Variants in RARRES1 observed in about 807,000 individuals in gnomAD.
RARRES1 encodes the protein retinoic acid receptor responder 1.
Under a neutral mutation model 30.6 loss-of-function variants are expected in RARRES1, and 34 were observed. The ratio of observed to expected loss-of-function variants is 1.11; its 90% CI spans 0.84 to 1.48. The LOEUF is 1.48. Ranked by LOEUF, RARRES1 falls within the 40% of genes most tolerant of loss-of-function variation. The pLI is 0.00. For synonymous variants in RARRES1, 153 were observed against 155.5 expected, an observed-to-expected ratio of 0.98 and a Z score of 0.12; for missense variants, 373 against 386.5, an observed-to-expected ratio of 0.97 and a Z score of 0.29.
At chr3:158,725,803 A>G (rs990766399) in intron 1 of RARRES1, among the ~76,000 whole-genome samples, 10 of 152,234 alleles carry the variant, frequency 6.6e-5, no homozygotes, top group African/African-American at 2.4e-4. Flanking sequence ...TGCTAGACCC[A>G]GACTCTGCGA....
At position 158,702,483 on chromosome 3, in the gene RARRES1, A is replaced by T. The variant is rs560278673; in HGVS notation, c.672+2308T>A. 9.8e-5 allele frequency among the ~76,000 whole-genome samples: 15 copies of T among 152,354 alleles called. 1 individual carries two copies. The highest frequency in any genetic ancestry group is 6.8e-3 in the Middle Eastern group (2 of 292). ...AATACACCTGCTATTTTTGTACCCT[A>T]GTATGTCCTAGTGGTAAAAATGTGT... On this transcript the variant is annotated intron_variant, in intron 4 of 5. Coordinates refer to ENST00000237696, the MANE Select transcript of RARRES1 (RefSeq NM_206963.2).
At chr3:158,724,025 C>A (rs1171159257) in intron 1 of RARRES1, among the ~76,000 whole-genome samples, 5 of 152,194 alleles carry the variant, frequency 3.3e-5, no homozygotes, top group African/African-American at 9.7e-5. Flanking sequence ...TAGGCAAGCA[C>A]ATGGGCAGAG....
At chr3:158,709,361 A>C (rs1026548191) in intron 3 of RARRES1, among the ~76,000 whole-genome samples, 1 of 152,226 alleles carries the variant, frequency 6.6e-6, no homozygotes, top group Non-Finnish European at 1.5e-5. Flanking sequence ...CTAAAGGAAA[A>C]CAATTCCTAA....
chr3:158,706,933 C>T (rs1021702784), intron 3 of RARRES1, among the ~76,000 whole-genome samples: 2 of 152,110 alleles, frequency 1.3e-5, no homozygotes, highest in African/African-American at 4.8e-5. Context: ...CTTTGGGAGG[C>T]CAAGGGGGGT....
At chr3:158,730,365 CTCCTTCCTTCCTTCCTTCCT>C (rs61461024) in intron 1 of RARRES1, among the ~76,000 whole-genome samples, 2,656 of 120,238 alleles carry the variant, frequency 0.022, 97 homozygotes, top group African/African-American at 0.076. Flanking sequence ...GAATAGGTTG[CTCCTTCCTTCCTTCCTTCCT>C]TCCTTCCTTC....
At chr3:158,708,811 C>T (rs527900903) in intron 3 of RARRES1, among the ~76,000 whole-genome samples, 30 of 152,162 alleles carry the variant, frequency 2.0e-4, no homozygotes, top group African/African-American at 6.5e-4. Context: ...GGACTACAGG[C>T]GCATGCCACC....
chr3:158,710,105 A>C (rs1411580177), intron 3 of RARRES1, among the ~76,000 whole-genome samples: 1 of 152,222 alleles, frequency 6.6e-6, no homozygotes, highest in Non-Finnish European at 1.5e-5. Flanking sequence ...TCAACCCTGA[A>C]AACAGCACCC....
chr3:158,721,907 C>A (rs924784846), intron 1 of RARRES1, among the ~76,000 whole-genome samples: 5 of 152,042 alleles, frequency 3.3e-5, no homozygotes, highest in African/African-American at 1.2e-4. Flanking sequence ...GCCTGACCAA[C>A]ATGGAGAAAC....
At chr3:158,711,044 T>C in intron 2 of RARRES1, 111 bp from the exon 3 acceptor site, 1 of 971,670 alleles carries the variant, frequency 1.0e-6, no homozygotes, top group Admixed American at 2.2e-5. Flanking sequence ...CTGGCATCAA[T>C]AGATGTAGTG....
rs146404064 is a variant in RARRES1, at chr3:158,725,772, C to T, written c.276+6368G>A. Among the ~76,000 whole-genome samples the T allele has an allele frequency of 7.8e-3, 1,182 of 152,332 alleles. 8 individuals carry two copies. Among genetic ancestry groups the T allele is most frequent in the African/African-American group, 0.027 (1,132 of 41,568 alleles). ...AAAGTCAAAGCTTTAACCCCGGGAC[C>T]TAGTGGCCTTTCTCACCCCATGCTA... On this transcript the variant is annotated intron_variant, in intron 1 of 5. Coordinates refer to ENST00000237696, the MANE Select transcript of RARRES1 (RefSeq NM_206963.2).
In RARRES1 at chr3:158,721,939, A is replaced by T. The variant is rs181488555; in HGVS notation, c.277-8080T>A. Among the ~76,000 whole-genome samples, 644 of 152,188 alleles carry T rather than the reference A, an allele frequency of 4.2e-3. 3 individuals are homozygous for T. The highest frequency in any genetic ancestry group is 0.015 in the African/African-American group (613 of 41,504). On this transcript the variant is annotated intron_variant, in intron 1 of 5. Coordinates refer to ENST00000237696, the MANE Select transcript of RARRES1 (RefSeq NM_206963.2). The stretch of plus-strand genomic sequence containing the variant: ...AAACCCCATCTCTACTAAAAATACG[A>T]AATTAGCTGGGCGTGGTGGCGCACA...
chr3:158,730,616 A>AT (rs111399628), intron 1 of RARRES1, among the ~76,000 whole-genome samples: 3,218 of 151,342 alleles, frequency 0.021, 103 homozygotes, highest in African/African-American at 0.074. Flanking sequence ...TTTAATTTTT[A>AT]ATTTTTTTTA....
intron 3 of RARRES1, among the ~76,000 whole-genome samples, chr3:158,709,959 C>T (rs1727055059): frequency 6.6e-6 from 1 of 152,192 alleles, no homozygotes; most frequent in Admixed American, 6.5e-5. Context: ...ACATGACTCC[C>T]CTGCAGCATC....
intron 1 of RARRES1, among the ~76,000 whole-genome samples, chr3:158,718,748 C>T (rs1727405052): frequency 1.3e-5 from 2 of 152,208 alleles, no homozygotes; most frequent in Non-Finnish European, 1.5e-5. Flanking sequence ...TAGAGGCACT[C>T]ACCTTATAAA....
intron 1 of RARRES1, among the ~76,000 whole-genome samples, chr3:158,719,568 G>A (rs935780474): frequency 5.9e-5 from 9 of 151,990 alleles, no homozygotes; most frequent in Non-Finnish European, 1.3e-4. Context: ...CACTGCACCC[G>A]GCCCTTACTT....
In RARRES1 at chr3:158,710,837, T is replaced by A. The variant is rs373892436; in HGVS notation, c.436A>T (p.Thr146Ser). The stretch of plus-strand genomic sequence containing the variant: ...CTTTTCTTTTTCTCGATGAGCCGTG[T>A]ACAAGTTACATTGATGGTTGGTCTG... ...KPRPTINVTCTRLIEKKKRQQ... is the reference protein window; with the variant it reads ...KPRPTINVTCSRLIEKKKRQQ... The change falls in exon 3 of 6, where the codon ACA (threonine) becomes TCA (serine). Residue 146 changes from threonine (T) to serine (S), a missense_variant. Coordinates refer to ENST00000237696, the MANE Select transcript of RARRES1 (RefSeq NM_206963.2). 33 of 1,613,556 alleles carry A rather than the reference T, an allele frequency of 2.0e-5. No individual in the cohort carries two copies. Among genetic ancestry groups the A allele is most frequent in the Non-Finnish European group, 2.6e-5 (31 of 1,179,568 alleles).
chr3:158,710,295 C>A (rs1262375838), intron 3 of RARRES1, among the ~76,000 whole-genome samples: 4 of 151,824 alleles, frequency 2.6e-5, no homozygotes, highest in African/African-American at 9.7e-5. Flanking sequence ...GCAACCTCCG[C>A]CTCCCAGGTT....
chr3:158,718,387 A>G (rs1182930155), intron 1 of RARRES1, among the ~76,000 whole-genome samples: 3 of 152,240 alleles, frequency 2.0e-5, no homozygotes, highest in African/African-American at 7.2e-5. Flanking sequence ...TAAGCACCCT[A>G]CATGTATTAA....
intron 2 of RARRES1, among the ~76,000 whole-genome samples, chr3:158,713,147 A>C (rs1474874137): frequency 2.0e-5 from 3 of 151,982 alleles, no homozygotes; most frequent in Admixed American, 2.0e-4. Context: ...GCACAAGACA[A>C]AGAGCATTTG....
Sources: gnomAD v4.1 joint callset for allele counts (sites outside exome capture counted in the v4.1 genomes callset) on GRCh38, gnomAD v4.1.1 for gene constraint, MANE v1.5 for transcripts, NCBI Gene and HGNC (gene_info 2026-07-23, HGNC 2026-07-21) for gene names.